The following FAM177A1 variants were observed in gnomAD, a reference collection of about 807,000 sequenced individuals.
FAM177A1 encodes protein FAM177A1.
A neutral mutation model predicts 26.1 loss-of-function variants in FAM177A1; 22 were observed. That is an observed-to-expected ratio of 0.84 (90% CI 0.60 to 1.20). FAM177A1 has a LOEUF of 1.20. FAM177A1 is among the 50% of genes most tolerant of loss of function. The pLI, the probability that FAM177A1 is intolerant of heterozygous loss-of-function variation, is 0.00. For missense variants in FAM177A1, 296 were observed against 291.1 expected (o/e 1.02, Z -0.12); for synonymous variants, 95 against 99.3 (o/e 0.96, Z 0.26).
At chr14:35,071,210 G>A (rs2138560388) in intron 2 of FAM177A1, among the ~76,000 whole-genome samples, 1 of 151,888 alleles carries the variant, frequency 6.6e-6, no homozygotes, top group African/African-American at 2.4e-5. Context: ...TGTTAGCCAG[G>A]ATGGTCTCGA....
At chr14:35,052,143 C>T (rs569333082) in intron 1 of FAM177A1, among the ~76,000 whole-genome samples, 3 of 152,306 alleles carry the variant, frequency 2.0e-5, no homozygotes, top group South Asian at 2.1e-4. Flanking sequence ...GCTTCTCCCC[C>T]ATCTTAGTTT....
intron 1 of FAM177A1, 177 bp downstream of exon 1, chr14:35,046,805 C>A: frequency 7.3e-7 from 1 of 1,378,106 alleles, no homozygotes; most frequent in Non-Finnish European, 9.4e-7. Flanking sequence ...AAGGAGCGCC[C>A]CCCGCCTCAC....
chr14:35,080,932 T>A lies in FAM177A1; in HGVS notation c.505-90T>A, dbSNP rs867930139. On this transcript the variant is annotated intron_variant, in intron 4 of 4. Coordinates refer to ENST00000280987, the MANE Select transcript of FAM177A1 (RefSeq NM_173607.5). ...TGACACTTTTTTTTTTTTTTTTTTT[T>A]AAACATAAGCTGACAGTGGGGAAAA... 1.3e-4 allele frequency: 173 copies of A among 1,303,616 alleles called. No individual in the cohort carries two copies. Among genetic ancestry groups the A allele is most frequent in the South Asian group, 2.2e-4 (10 of 46,246 alleles). 80.8% of individuals were successfully genotyped at this position (1,303,616 alleles called of 1,614,324 possible). A position where few individuals can be genotyped will look rare whatever the true frequency, so the allele number is the denominator to read the frequency against.
At chr14:35,068,666 GCTCT>G (rs1229201223) in intron 2 of FAM177A1, among the ~76,000 whole-genome samples, 1 of 152,162 alleles carries the variant, frequency 6.6e-6, no homozygotes, top group African/African-American at 2.4e-5. Context: ...CCCAGTAACT[GCTCT>G]CTCTTTTTAC....
At chr14:35,080,874 G>C in intron 4 of FAM177A1, 148 bp from the exon 5 acceptor site, 1 of 1,119,470 alleles carries the variant, frequency 8.9e-7, no homozygotes, top group South Asian at 2.2e-5. Context: ...AGAAGGGAAA[G>C]TATGTCTTAA....
intron 1 of FAM177A1, 37 bp downstream of exon 1, chr14:35,046,665 G>A: frequency 1.3e-6 from 2 of 1,508,474 alleles, no homozygotes; most frequent in East Asian, 2.7e-5. Flanking sequence ...CCGGGGAGCC[G>A]AGCCGCCTCC....
intron 2 of FAM177A1, among the ~76,000 whole-genome samples, chr14:35,061,668 A>G (rs2045160025): frequency 6.7e-6 from 1 of 149,366 alleles, no homozygotes; most frequent in South Asian, 2.1e-4. Flanking sequence ...ATGCTAAATG[A>G]CAAGTTAATG....
intron 2 of FAM177A1, among the ~76,000 whole-genome samples, chr14:35,066,846 C>T (rs140749792): frequency 1.5e-3 from 225 of 150,728 alleles, no homozygotes; most frequent in African/African-American, 5.1e-3. Flanking sequence ...CAAGCTGGAG[C>T]GCAATGGCAC....
chr14:35,067,254 G>A (rs2045254595), intron 2 of FAM177A1, among the ~76,000 whole-genome samples: 1 of 152,062 alleles, frequency 6.6e-6, no homozygotes. Context: ...GTTCAGTTTT[G>A]GATTCCACAT....
intron 1 of FAM177A1, among the ~76,000 whole-genome samples, chr14:35,047,543 G>GT (rs1253293891): frequency 1.3e-5 from 2 of 152,200 alleles, no homozygotes; most frequent in Non-Finnish European, 2.9e-5. Context: ...GAGGTCAGGA[G>GT]TTCAAGACCA....
intron 2 of FAM177A1, among the ~76,000 whole-genome samples, chr14:35,053,884 T>C (rs1351211274): frequency 1.3e-5 from 2 of 152,058 alleles, no homozygotes; most frequent in African/African-American, 4.8e-5. Flanking sequence ...TCCCAGCTAC[T>C]TGGGAGGCTG....
At chr14:35,077,468 C>CTTTTTTTTT (rs150813883) in intron 3 of FAM177A1, among the ~76,000 whole-genome samples, 1 of 79,528 alleles carries the variant, frequency 1.3e-5, no homozygotes, top group Non-Finnish European at 2.3e-5. Context: ...TTTTCAAGTT[C>CTTTTTTTTT]TTTTTTTTTT....
chr14:35,053,159 C>A (rs2045001495), intron 1 of FAM177A1, 119 bp from the exon 2 acceptor site: 4 of 934,972 alleles, frequency 4.3e-6, no homozygotes, highest in Non-Finnish European at 6.3e-6. Context: ...TCAGAACAAA[C>A]CAAAACTGCT....
intron 2 of FAM177A1, among the ~76,000 whole-genome samples, chr14:35,076,730 C>T (rs1036921338): frequency 6.6e-6 from 1 of 152,072 alleles, no homozygotes; most frequent in Non-Finnish European, 1.5e-5. Context: ...AATTTCCCTG[C>T]TATAGCATAA....
chr14:35,059,340 GT>G (rs1011634148), intron 2 of FAM177A1, among the ~76,000 whole-genome samples: 16 of 151,660 alleles, frequency 1.1e-4, no homozygotes, highest in Middle Eastern at 3.4e-3. Context: ...GTTGGATCTT[GT>G]TTTTTTTAAT....
chr14:35,079,636 A>G (rs1052003536), intron 4 of FAM177A1, among the ~76,000 whole-genome samples: 3 of 152,154 alleles, frequency 2.0e-5, no homozygotes, highest in African/African-American at 7.2e-5. Flanking sequence ...TATAAGCCTC[A>G]ATCTCCTCAT....
chr14:35,067,298 C>T (rs185859123), intron 2 of FAM177A1, among the ~76,000 whole-genome samples: 1 of 152,276 alleles, frequency 6.6e-6, no homozygotes, highest in African/African-American at 2.4e-5. Context: ...CCTTTCTGTG[C>T]CTGGGTTATT....
intron 2 of FAM177A1, among the ~76,000 whole-genome samples, chr14:35,066,507 C>G (rs57166048): frequency 0.085 from 12,840 of 150,520 alleles, 858 homozygotes; most frequent in African/African-American, 0.19. Context: ...TGGGATCAAG[C>G]AATTCTCCTG....
intron 2 of FAM177A1, among the ~76,000 whole-genome samples, chr14:35,076,162 A>G (rs1466885334): frequency 5.9e-5 from 9 of 152,186 alleles, no homozygotes; most frequent in Non-Finnish European, 1.0e-4. Context: ...TTGCGGCACT[A>G]TTCACAATAG....
Sources: allele counts gnomAD v4.1 joint callset (sites outside exome capture counted in the v4.1 genomes callset), GRCh38; gene constraint gnomAD v4.1.1; transcripts MANE v1.5; gene names NCBI Gene and HGNC (gene_info 2026-07-23, HGNC 2026-07-21).